Variants in CFAP299 observed in about 807,000 individuals in gnomAD.
The protein encoded by CFAP299 is cilia and flagella associated protein 299, also known as cilia- and flagella-associated protein 299.
A neutral mutation model predicts 27.0 loss-of-function variants in CFAP299; 21 were observed. The observed-to-expected ratio is 0.78, with a 90% confidence interval of 0.55 to 1.12. The LOEUF (loss-of-function observed/expected upper bound fraction) is 1.12, where lower values mean the gene tolerates loss of function less well. Ranked by LOEUF, CFAP299 falls within the 50% of genes most tolerant of loss-of-function variation. The pLI is 0.00. For missense variants in CFAP299, 310 were observed against 276.6 expected (o/e 1.12, Z -0.86); for synonymous variants, 104 against 98.1 (o/e 1.06, Z -0.36).
chr4:80,843,960 G>T lies in CFAP299; in HGVS notation c.334-26033G>T, dbSNP rs991134906. Among the ~76,000 whole-genome samples the T allele has an allele frequency of 2.6e-5, 4 of 152,046 alleles. No individual in the cohort carries two copies. In the East Asian group the frequency reaches 7.7e-4, roughly 29 times the overall value. On this transcript the variant is annotated intron_variant, in intron 3 of 5. Coordinates refer to ENST00000358105, the MANE Select transcript of CFAP299 (RefSeq NM_152770.3). ...GATGTTCCCCTTCCTGTGTCCATGT[G>T]TTCTCATTGTTCAATTCCCACCTAT... is the stretch of plus-strand genomic sequence containing the variant.
chr4:80,658,600 T>C (rs374517763), intron 3 of CFAP299, among the ~76,000 whole-genome samples: 1 of 152,138 alleles, frequency 6.6e-6, no homozygotes, highest in Non-Finnish European at 1.5e-5. Flanking sequence ...AGGAAAAGTG[T>C]TCTGGGGGTG....
intron 3 of CFAP299, among the ~76,000 whole-genome samples, chr4:80,689,399 A>T (rs1363739675): frequency 6.6e-6 from 1 of 152,184 alleles, no homozygotes; most frequent in Non-Finnish European, 1.5e-5. Flanking sequence ...AACATTCTCA[A>T]AGAAAAGAAT....
chr4:80,659,540 T>C (rs1740728056), intron 3 of CFAP299, among the ~76,000 whole-genome samples: 1 of 151,970 alleles, frequency 6.6e-6, no homozygotes, highest in Non-Finnish European at 1.5e-5. Context: ...TAAAAGATGC[T>C]CAATCTAATA....
chr4:80,599,861 G>T (rs1207281475), intron 3 of CFAP299, among the ~76,000 whole-genome samples: 2 of 152,036 alleles, frequency 1.3e-5, no homozygotes, highest in Non-Finnish European at 2.9e-5. Context: ...CATAATATGG[G>T]CCTTTAGCAA....
At chr4:80,357,494 A>T in intron 1 of CFAP299, among the ~76,000 whole-genome samples, 1 of 152,250 alleles carries the variant, frequency 6.6e-6, no homozygotes, top group Non-Finnish European at 1.5e-5. Flanking sequence ...TAGGCTATTT[A>T]TTACTGACTC....
At chr4:80,444,810 A>G (rs1728535904) in intron 2 of CFAP299, among the ~76,000 whole-genome samples, 1 of 152,212 alleles carries the variant, frequency 6.6e-6, no homozygotes, top group African/African-American at 2.4e-5. Flanking sequence ...AGAATCTACA[A>G]GGAACTTAAA....
chr4:80,803,321 A>G (rs1728705455), intron 3 of CFAP299, among the ~76,000 whole-genome samples: 1 of 152,144 alleles, frequency 6.6e-6, no homozygotes, highest in Non-Finnish European at 1.5e-5. Flanking sequence ...GGTAAATCAG[A>G]GAAGATCTCA....
intron 3 of CFAP299, among the ~76,000 whole-genome samples, chr4:80,790,669 T>G (rs1228114959): frequency 6.6e-6 from 1 of 152,044 alleles, no homozygotes; most frequent in Non-Finnish European, 1.5e-5. Context: ...CATCCTGATC[T>G]TGGAATTCCA....
intron 2 of CFAP299, among the ~76,000 whole-genome samples, chr4:80,547,872 AAAC>A (rs1447255909): frequency 6.6e-6 from 1 of 152,212 alleles, no homozygotes; most frequent in Non-Finnish European, 1.5e-5. Flanking sequence ...AAAAGTCAAA[AAAC>A]AAGATTTTGG....
intron 3 of CFAP299, among the ~76,000 whole-genome samples, chr4:80,727,646 T>G (rs1723236306): frequency 6.6e-6 from 1 of 152,064 alleles, no homozygotes; most frequent in Non-Finnish European, 1.5e-5. Context: ...ATTTAAAGCA[T>G]AAAATACTGT....
chr4:80,361,336 C>T (rs1723536388), intron 1 of CFAP299, among the ~76,000 whole-genome samples: 1 of 152,184 alleles, frequency 6.6e-6, no homozygotes, highest in Non-Finnish European at 1.5e-5. Flanking sequence ...TGTTTGACCA[C>T]AAGGAATTTA....
chr4:80,713,679 A>C (rs1451808792), intron 3 of CFAP299, among the ~76,000 whole-genome samples: 1 of 152,214 alleles, frequency 6.6e-6, no homozygotes, highest in Non-Finnish European at 1.5e-5. Context: ...ATAGTCACAC[A>C]ACTAAGCAGT....
chr4:80,937,144 C>T (rs1391659913), intron 4 of CFAP299, among the ~76,000 whole-genome samples: 2 of 151,986 alleles, frequency 1.3e-5, no homozygotes, highest in Non-Finnish European at 2.9e-5. Context: ...TTGAGTGATA[C>T]ATCTTTGTTA....
chr4:80,817,910 C>A (rs540989271), intron 3 of CFAP299, among the ~76,000 whole-genome samples: 1 of 151,428 alleles, frequency 6.6e-6, no homozygotes, highest in Admixed American at 6.6e-5. Context: ...AAACTTGTGC[C>A]GTGGTGGTTT....
chr4:80,679,287 T>C (rs565591766), intron 3 of CFAP299, among the ~76,000 whole-genome samples: 51 of 152,204 alleles, frequency 3.4e-4, no homozygotes, highest in African/African-American at 1.2e-3. Flanking sequence ...GTGTCGTGGT[T>C]TCAAATTTTG....
chr4:80,504,752 G>C (rs1022957778), intron 2 of CFAP299, among the ~76,000 whole-genome samples: 10 of 148,130 alleles, frequency 6.8e-5, no homozygotes, highest in African/African-American at 2.5e-4. Flanking sequence ...TATATGGGTT[G>C]AGAAGATGGT....
chr4:80,852,547 A>G (rs1023061261), intron 3 of CFAP299, among the ~76,000 whole-genome samples: 3 of 152,216 alleles, frequency 2.0e-5, no homozygotes, highest in African/African-American at 4.8e-5. Flanking sequence ...GTTTGATTCT[A>G]TGTTTTCCAA....
chr4:80,341,408 A>T (rs1159369081), intron 1 of CFAP299, among the ~76,000 whole-genome samples: 1 of 152,156 alleles, frequency 6.6e-6, no homozygotes, highest in Non-Finnish European at 1.5e-5. Context: ...AGGGGTCTCC[A>T]GACACCTCCT....
At chr4:80,953,053 A>T (rs1437663045) in intron 5 of CFAP299, among the ~76,000 whole-genome samples, 1 of 152,212 alleles carries the variant, frequency 6.6e-6, no homozygotes, top group Non-Finnish European at 1.5e-5. Context: ...TTTTAACAGG[A>T]GGAGCTATAT....
Sources: gnomAD v4.1 joint callset for allele counts (sites outside exome capture counted in the v4.1 genomes callset) on GRCh38, gnomAD v4.1.1 for gene constraint, MANE v1.5 for transcripts, NCBI Gene and HGNC (gene_info 2026-07-23, HGNC 2026-07-21) for gene names.